SPINT2: variants seen among roughly 807,000 people sequenced by gnomAD.
The protein encoded by SPINT2 is serine peptidase inhibitor, Kunitz type 2.
In SPINT2, 18 loss-of-function variants were observed where a neutral mutation model predicts 30.1. The ratio of observed to expected loss-of-function variants is 0.60; its 90% confidence interval spans 0.41 to 0.89. SPINT2 has a LOEUF of 0.89. Among genes scored for constraint, SPINT2 ranks in the 40% least tolerant of loss-of-function variants. SPINT2 has a pLI of 0.00. For synonymous variants in SPINT2, 139 were observed against 137.9 expected (o/e 1.01, Z -0.05); for missense variants, 276 against 334.3 (o/e 0.83, Z 1.36).
chr19:38,270,996 AT>A (rs1282881112), intron 1 of SPINT2, among the ~76,000 whole-genome samples: 1 of 152,182 alleles, frequency 6.6e-6, no homozygotes, highest in Admixed American at 6.5e-5. Context: ...CACAAGTGTC[AT>A]TTCATGGTTT....
chr19:38,264,956 C>T lies in SPINT2; in HGVS notation c.64C>T (p.Leu22Phe), dbSNP rs1968359581. 1.3e-6 allele frequency: 2 copies of T among 1,536,282 alleles called. No individual in the cohort carries two copies. Among genetic ancestry groups the T allele is most frequent in the Non-Finnish European group, 1.7e-6 (2 of 1,145,300 alleles). ...TCTCGCCCTGCTGGGATCGCTGCTC[C>T]TCTCTGGGGTCCTGGCGGCCGACCG... is the stretch of plus-strand genomic sequence containing the variant. ...AFLALLGSLLLSGVLAADRER... is the reference protein window; with the variant it reads ...AFLALLGSLLFSGVLAADRER... The change falls in exon 1 of 7, where the codon CTC (leucine) becomes TTC (phenylalanine). Residue 22 changes from leucine to phenylalanine, a missense_variant. Physicochemically the swap from Leu to Phe is conservative, Grantham distance 22. Transcript: ENST00000301244.
intron 1 of SPINT2, among the ~76,000 whole-genome samples, chr19:38,275,991 T>C (rs1968513573): frequency 6.6e-6 from 1 of 151,908 alleles, no homozygotes; most frequent in Non-Finnish European, 1.5e-5. Context: ...CCTCCCAAAG[T>C]GCTGGGATTA....
intron 1 of SPINT2, 133 bp from the exon 2 acceptor site, chr19:38,283,494 G>A (rs1968604132): frequency 5.3e-6 from 6 of 1,135,720 alleles, no homozygotes; most frequent in African/African-American, 1.5e-5. Flanking sequence ...TCTGGGCTTG[G>A]GAAACAGCTC....
chr19:38,291,911 C>T lies in SPINT2; in HGVS notation c.664C>T (p.Arg222Trp), dbSNP rs144062571. Reference sequence around the variant, plus strand: ...GGGAGCCTCCATGGTCTACCTGATCCGGGTGGCACGGAGGAACCAGGAGCG... The same window carrying T: ...GGGAGCCTCCATGGTCTACCTGATCTGGGTGGCACGGAGGAACCAGGAGCG... ...FLGASMVYLI[R>W]VARRNQERAL... Residue 222 changes from arginine to tryptophan, a missense_variant, in exon 7 of 7, where the codon CGG becomes TGG. Physicochemically the swap from Arg to Trp is moderately radical, Grantham distance 101 (BLOSUM62 -3). Transcript: ENST00000301244. The T allele has an allele frequency of 9.5e-5, 153 of 1,613,922 alleles. No individual in the cohort carries two copies. Among genetic ancestry groups the T allele is most frequent in the Middle Eastern group, 3.3e-4 (2 of 6,032 alleles).
chr19:38,290,941 C>T lies in SPINT2; in HGVS notation c.592+366C>T, dbSNP rs1008787508. 3 of 385,040 alleles carry T rather than the reference C, an allele frequency of 7.8e-6. No homozygotes were observed. The highest frequency in any genetic ancestry group is 3.7e-5 in the Admixed American group (1 of 26,794). The allele number at this position is 385,040 out of a possible 1,614,324, so 23.9% of individuals were successfully genotyped here. A position where few individuals can be genotyped will look rare whatever the true frequency, so the allele number is the denominator to read the frequency against. ...TCACGGGTGACAGGACGGAGGACCACGGGCCAGGGTGTTTCCCAACACAGT... is the reference window on the plus strand; with the variant it reads ...TCACGGGTGACAGGACGGAGGACCATGGGCCAGGGTGTTTCCCAACACAGT... On this transcript the variant is annotated intron_variant, in intron 6 of 6. Transcript: ENST00000301244. This position sits in a 1 kb window ranked among gnomAD's most constrained non-coding sequence, Gnocchi z 4.3.
Position 38,290,792 on chromosome 19 carries a change from GC to G in SPINT2, c.592+220del. ...GTGAGTCAGTCACAAGGCAGGCCCT[GC>G]CCAGGCGGCGTGGGTGACTGGGGAT... On this transcript the variant is annotated intron_variant, in intron 6 of 6. Coordinates refer to ENST00000301244, the MANE Select transcript of SPINT2 (RefSeq NM_021102.4). The surrounding 1 kb of genome is among the most constrained non-coding windows in gnomAD (Gnocchi z 4.3). The G allele has an allele frequency of 1.5e-6, 1 of 678,440 alleles. No individual in the cohort carries two copies. Among genetic ancestry groups the G allele is most frequent in the Non-Finnish European group, 2.6e-6 (1 of 390,288 alleles). The allele number at this position is 678,440 out of a possible 1,614,324, so 42.0% of individuals were successfully genotyped here.
chr19:38,265,989 T>G (rs1323654562), intron 1 of SPINT2, among the ~76,000 whole-genome samples: 1 of 152,178 alleles, frequency 6.6e-6, no homozygotes, highest in East Asian at 1.9e-4. Context: ...CAGGGTGACG[T>G]AAGATGTTGG....
intron 1 of SPINT2, among the ~76,000 whole-genome samples, chr19:38,273,851 A>C (rs1968484841): frequency 6.6e-6 from 1 of 152,190 alleles, no homozygotes; most frequent in Admixed American, 6.6e-5. Context: ...GAAATGTGTC[A>C]TTCTCTTTAT....
chr19:38,267,773 G>A (rs757562035), intron 1 of SPINT2, among the ~76,000 whole-genome samples: 14 of 152,124 alleles, frequency 9.2e-5, no homozygotes, highest in Non-Finnish European at 1.9e-4. Context: ...TGGCAGGCCC[G>A]GAGCTAAAGT....
At chr19:38,266,275 A>T (rs947899637) in intron 1 of SPINT2, among the ~76,000 whole-genome samples, 1 of 152,006 alleles carries the variant, frequency 6.6e-6, no homozygotes, top group African/African-American at 2.4e-5. Flanking sequence ...CTAGGGCTTT[A>T]TAGACAGGTG....
chr19:38,291,835 C>T lies in SPINT2; in HGVS notation c.593-5C>T, dbSNP rs1452630429. On this transcript the variant is annotated splice_region_variant and splice_polypyrimidine_tract_variant and intron_variant, in intron 6 of 6. Transcript: ENST00000301244. ...CCCGTCCTGAGGCCCCTCTCTCGTC[C>T]TCAGTGGTGGTTCTGGCGGGGCTGT... 8 of 1,612,306 alleles carry T rather than the reference C, an allele frequency of 5.0e-6. No individual in the cohort carries two copies. The highest frequency in any genetic ancestry group is 6.8e-6 in the Non-Finnish European group (8 of 1,179,850).
rs368856630 is a variant in SPINT2 at position 38,290,135 on chromosome 19, C to T, written c.408C>T (p.Asn136=). 19 of 1,612,436 alleles carry T rather than the reference C, an allele frequency of 1.2e-5. No individual in the cohort carries two copies. The highest frequency in any genetic ancestry group is 2.2e-5 in the East Asian group (1 of 44,894). The change falls in exon 5 of 7, where the codon AAC becomes AAT. Residue 136 remains asparagine, a synonymous_variant. Transcript: ENST00000301244. The surrounding 1 kb of genome is among the most constrained non-coding windows in gnomAD (Gnocchi z 4.3). ...MFNYEEYCTA[N]AVTGPCRASF... ...TACTCCTAGAATACTGCACCGCCAACGCAGTCACTGGGCCTTGCCGTGCAT... is the reference window on the plus strand; with the variant it reads ...TACTCCTAGAATACTGCACCGCCAATGCAGTCACTGGGCCTTGCCGTGCAT...
intron 1 of SPINT2, among the ~76,000 whole-genome samples, chr19:38,275,075 G>A (rs1273503857): frequency 2.0e-5 from 3 of 152,180 alleles, no homozygotes; most frequent in African/African-American, 7.2e-5. Context: ...AGCTGATCCA[G>A]ATCTAGAAAA....
intron 1 of SPINT2, among the ~76,000 whole-genome samples, chr19:38,267,720 A>G (rs547060661): frequency 6.6e-6 from 1 of 152,080 alleles, no homozygotes; most frequent in Non-Finnish European, 1.5e-5. Context: ...ATCTACCTGG[A>G]TATAGAAATC....
At chr19:38,280,755 T>C (rs1402740878) in intron 1 of SPINT2, among the ~76,000 whole-genome samples, 1 of 152,170 alleles carries the variant, frequency 6.6e-6, no homozygotes, top group Non-Finnish European at 1.5e-5. Flanking sequence ...TCAGGTGTGG[T>C]GTCGGGTGGT....
chr19:38,273,749 T>C (rs919578234), intron 1 of SPINT2, among the ~76,000 whole-genome samples: 1 of 152,170 alleles, frequency 6.6e-6, no homozygotes, highest in Non-Finnish European at 1.5e-5. Flanking sequence ...TAAGACATCA[T>C]TGGTTTGGCT....
intron 1 of SPINT2, among the ~76,000 whole-genome samples, chr19:38,268,766 C>T (rs3222973): frequency 0.37 from 56,102 of 149,732 alleles, 11,400 homozygotes; most frequent in East Asian, 0.6. Flanking sequence ...TGCGCGCGCG[C>T]GTGTGTGTGT....
In SPINT2 at chr19:38,292,091, G is replaced by A; in HGVS notation, c.*85G>A. 6.5e-7 allele frequency: 1 copy of A among 1,537,602 alleles called. No homozygotes were observed. Among genetic ancestry groups the A allele is most frequent in the Middle Eastern group, 1.7e-4 (1 of 5,798 alleles). On this transcript the variant is annotated 3_prime_UTR_variant, in exon 7 of 7. Coordinates refer to ENST00000301244, the MANE Select transcript of SPINT2 (RefSeq NM_021102.4). Reference sequence around the variant, plus strand: ...AATAGAGGGATTGACTCGGATTTGAGTGATCATTAGGGCTGAGGTCTGTTT... The same window carrying A: ...AATAGAGGGATTGACTCGGATTTGAATGATCATTAGGGCTGAGGTCTGTTT...
chr19:38,285,594 C>T (rs1178321978), intron 2 of SPINT2, among the ~76,000 whole-genome samples: 2 of 152,192 alleles, frequency 1.3e-5, no homozygotes, highest in Non-Finnish European at 2.9e-5. Context: ...ATCTGCCTGC[C>T]TCCCAAAGTG....
Sources: allele counts gnomAD v4.1 joint callset (sites outside exome capture counted in the v4.1 genomes callset), GRCh38; gene constraint gnomAD v4.1.1; non-coding constraint Gnocchi (gnomAD v3.1); transcripts MANE v1.5; gene names NCBI Gene and HGNC (gene_info 2026-07-23, HGNC 2026-07-21).